SYCP2L: variants seen among roughly 807,000 people sequenced by gnomAD.
SYCP2L encodes the protein synaptonemal complex protein 2 like.
SYCP2L carries 98 observed loss-of-function variants against 125.8 expected under a neutral mutation model. The observed-to-expected ratio is 0.78, with a 90% CI of 0.66 to 0.92. The LOEUF is 0.92. Ranked by LOEUF, SYCP2L falls within the 40% of genes least tolerant of loss-of-function variation. The pLI is 0.00. For missense variants in SYCP2L, 842 were observed against 936.4 expected, an observed-to-expected ratio of 0.90 and a Z score of 1.32; for synonymous variants, 317 against 325.4, an observed-to-expected ratio of 0.97 and a Z score of 0.28.
chr6:10,945,495 C>T (rs911664014), intron 23 of SYCP2L, among the ~76,000 whole-genome samples: 3 of 152,046 alleles, frequency 2.0e-5, no homozygotes, highest in Non-Finnish European at 4.4e-5. Context: ...TTAGGCCAGG[C>T]GTGGTGGCTC....
chr6:10,907,900 T>TTTTGTTTTTTTTTTG (rs1554105108), intron 10 of SYCP2L, among the ~76,000 whole-genome samples: 1 of 130,398 alleles, frequency 7.7e-6, no homozygotes, highest in African/African-American at 3.2e-5. Flanking sequence ...AGGTTTTTTT[T>TTTTGTTTTTTTTTTG]TTTTTTTTTT....
chr6:10,932,759 A>T (rs201965554), intron 20 of SYCP2L, among the ~76,000 whole-genome samples: 4,607 of 152,130 alleles, frequency 0.03, 183 homozygotes, highest in East Asian at 0.21. Context: ...GCTTCAAAAA[A>T]AATTTTTTTT....
intron 26 of SYCP2L, 115 bp downstream of exon 26, chr6:10,958,990 A>AT (rs1781551584): frequency 7.3e-6 from 6 of 821,132 alleles, no homozygotes; most frequent in Non-Finnish European, 1.2e-5. Context: ...AGATGTGAGG[A>AT]TTGATACATC....
intron 25 of SYCP2L, 132 bp downstream of exon 25, chr6:10,956,374 GGGA>G: frequency 3.0e-6 from 2 of 675,728 alleles, no homozygotes; most frequent in Non-Finnish European, 4.9e-6. Flanking sequence ...CTCAGAAACA[GGGA>G]GGAGAAGGGT....
rs1036201294 is a variant in SYCP2L, at chr6:10,903,041, A to C, written c.641+78A>C. 4 of 1,165,100 alleles carry C rather than the reference A, an allele frequency of 3.4e-6. No individual in the cohort carries two copies. In the African/African-American group the frequency reaches 6.1e-5, roughly 18 times the overall value. 72.2% of individuals were successfully genotyped at this position (1,165,100 alleles called of 1,614,324 possible). A position where few individuals can be genotyped will look rare whatever the true frequency, so the allele number is the denominator to read the frequency against. ...AGTGTATGGCTTCAGTCTGTGTTCT[A>C]CTTAGACCTGATTATGTCCTTTCTC... is the stretch of plus-strand genomic sequence containing the variant. On this transcript the variant is annotated intron_variant, in intron 8 of 29. Transcript: ENST00000283141.
At chr6:10,910,044 T>A (rs545971227) in intron 10 of SYCP2L, 104 bp from the exon 11 acceptor site, 10 of 846,532 alleles carry the variant, frequency 1.2e-5, no homozygotes, top group Non-Finnish European at 1.9e-5. Context: ...TGTTACTGCC[T>A]CCTGGTCATT....
chr6:10,945,419 T>C (rs1378500243), intron 23 of SYCP2L, among the ~76,000 whole-genome samples: 1 of 152,152 alleles, frequency 6.6e-6, no homozygotes. Flanking sequence ...GTGGATTTGC[T>C]GGTTTTTTCT....
intron 14 of SYCP2L, among the ~76,000 whole-genome samples, chr6:10,918,571 T>G (rs966709830): frequency 1.3e-5 from 2 of 152,160 alleles, no homozygotes; most frequent in Non-Finnish European, 2.9e-5. Context: ...AGAGTCTCGC[T>G]CTGTTGCCAG....
At chr6:10,958,317 C>T (rs919343944) in intron 25 of SYCP2L, among the ~76,000 whole-genome samples, 1 of 151,980 alleles carries the variant, frequency 6.6e-6, no homozygotes, top group Non-Finnish European at 1.5e-5. Flanking sequence ...GGGAGTTTTA[C>T]TCATGGTGGA....
At position 10,902,946 on chromosome 6, in the gene SYCP2L, A is replaced by T; in HGVS notation, c.624A>T (p.Glu208Asp). 6.2e-7 allele frequency: 1 copy of T among 1,614,128 alleles called. No homozygotes were observed. The change falls in exon 8 of 30, where the codon GAA becomes GAT. Residue 208 changes from glutamate (E) to aspartate (D), a missense_variant. Transcript: ENST00000283141. ...AGAGAAAAAAATTCCCTTTGTCAGA[A>T]GGCATGTGTCATCTTATGTAAGTGA... ...REERKKFPLS[E>D]GMCHLMKDLA...
chr6:10,959,967 T>C (rs1160816094), intron 26 of SYCP2L, among the ~76,000 whole-genome samples: 2 of 151,630 alleles, frequency 1.3e-5, no homozygotes, highest in Admixed American at 6.6e-5. Context: ...CTTATGACCA[T>C]GTAACAAGAA....
In SYCP2L at chr6:10,912,841, G is replaced by T; in HGVS notation, c.1012-26G>T. On this transcript the variant is annotated intron_variant, in intron 13 of 29. Transcript: ENST00000283141. This position sits in a 1 kb window ranked among gnomAD's most constrained non-coding sequence, Gnocchi z 4.1. ...ATGTAAGTATGTGTTTTGCACTCAT[G>T]AATTTCACTTATTTATTTTCCCAAG... 6.2e-7 allele frequency: 1 copy of T among 1,612,856 alleles called. No homozygotes were observed. Among genetic ancestry groups the T allele is most frequent in the Non-Finnish European group, 8.5e-7 (1 of 1,179,188 alleles).
intron 20 of SYCP2L, 125 bp from the exon 21 acceptor site, chr6:10,934,933 T>C (rs1394734442): frequency 1.1e-6 from 1 of 910,212 alleles, no homozygotes; most frequent in African/African-American, 1.7e-5. Context: ...AATTAGCATT[T>C]ATTTTCAAAT....
At chr6:10,925,725 A>G (rs1456366962) in intron 15 of SYCP2L, among the ~76,000 whole-genome samples, 1 of 152,204 alleles carries the variant, frequency 6.6e-6, no homozygotes, top group East Asian at 1.9e-4. Flanking sequence ...TCTTTTTACA[A>G]AAAGGCCATT....
At chr6:10,931,414 T>G in intron 19 of SYCP2L, 26 bp from the exon 20 acceptor site, 1 of 1,613,688 alleles carries the variant, frequency 6.2e-7, no homozygotes, top group South Asian at 1.1e-5. Context: ...ATGTATATGT[T>G]GTGCACTTGT....
At chr6:10,934,988 G>C in intron 20 of SYCP2L, 70 bp from the exon 21 acceptor site, 1 of 1,325,228 alleles carries the variant, frequency 7.5e-7, no homozygotes, top group Non-Finnish European at 1.0e-6. Context: ...TATTGAAAAT[G>C]TCTTACAATA....
At chr6:10,955,523 T>C (rs1022799018) in intron 24 of SYCP2L, among the ~76,000 whole-genome samples, 1 of 152,182 alleles carries the variant, frequency 6.6e-6, no homozygotes, top group Non-Finnish European at 1.5e-5. Context: ...TCAACCAAAT[T>C]TTTGTGTGAG....
At chr6:10,911,423 T>A (rs1371279554) in intron 12 of SYCP2L, among the ~76,000 whole-genome samples, 2 of 152,190 alleles carry the variant, frequency 1.3e-5, no homozygotes, top group African/African-American at 4.8e-5. Context: ...TTTAGAGGTC[T>A]TGGAAGCTTG....
At chr6:10,952,406 G>A (rs779156781) in intron 23 of SYCP2L, among the ~76,000 whole-genome samples, 36 of 152,214 alleles carry the variant, frequency 2.4e-4, no homozygotes, top group African/African-American at 7.7e-4. Context: ...CACAAATTCC[G>A]CATAATTCAT....
Sources: gnomAD v4.1 joint callset for allele counts (sites outside exome capture counted in the v4.1 genomes callset) on GRCh38, gnomAD v4.1.1 for gene constraint, Gnocchi (gnomAD v3.1) non-coding constraint, MANE v1.5 for transcripts, NCBI Gene and HGNC (gene_info 2026-07-23, HGNC 2026-07-21) for gene names.